Variants in KRT35 observed in about 807,000 individuals in gnomAD.
KRT35 encodes the protein keratin 35.
A neutral mutation model predicts 42.2 loss-of-function variants in KRT35; 33 were observed. The ratio of observed to expected loss-of-function variants is 0.78; its 90% CI spans 0.59 to 1.05. KRT35 has a LOEUF of 1.05. Among genes scored for constraint, KRT35 ranks in the 50% least tolerant of loss-of-function variants. The probability of loss-of-function intolerance (pLI) is 0.00; values close to 1 mark genes in which losing one functional copy is unlikely to be tolerated. For missense variants in KRT35, 585 were observed against 589.2 expected (o/e 0.99, Z 0.07); for synonymous variants, 218 against 238.2 (o/e 0.92, Z 0.78).
intron 4 of KRT35, 30 bp downstream of exon 4, chr17:41,478,804 C>G (rs1479484887): frequency 4.4e-6 from 7 of 1,602,040 alleles, no homozygotes; most frequent in African/African-American, 1.3e-5. Flanking sequence ...CCACATACCC[C>G]TGTTGCACTG....
At chr17:41,478,111 T>C (rs563349392) in intron 5 of KRT35, among the ~76,000 whole-genome samples, 3 of 152,310 alleles carry the variant, frequency 2.0e-5, no homozygotes, top group East Asian at 1.9e-4. Flanking sequence ...ACTCAGAAGA[T>C]GTATCTGCTT....
chr17:41,480,549 C>T, intron 1 of KRT35, 78 bp downstream of exon 1: 1 of 1,132,644 alleles, frequency 8.8e-7, no homozygotes, highest in Non-Finnish European at 1.3e-6. Context: ...TTCCAACATG[C>T]CCTATGGGAA....
chr17:41,478,716 C>G (rs557228884), intron 4 of KRT35, 118 bp downstream of exon 4: 2 of 1,198,308 alleles, frequency 1.7e-6, no homozygotes. Context: ...TTGACCTTGT[C>G]AGCAAGGTCA....
In KRT35 at chr17:41,480,751, C is replaced by T. The variant is rs778401284; in HGVS notation, c.347G>A (p.Arg116His). The stretch of plus-strand genomic sequence containing the variant: ...GCTGGCGTTCTCCTGCTCCAGCTGA[C>T]GCACCTTCTCCAGGTAGCCGGCCAG... ...DRLAGYLEKV[R>H]QLEQENASLE... The change falls in exon 1 of 7, where the codon CGT (arginine) becomes CAT (histidine). Residue 116 changes from arginine to histidine, a missense_variant. Transcript: ENST00000246639. 1.1e-4 allele frequency: 171 copies of T among 1,614,084 alleles called. No individual in the cohort carries two copies. Among genetic ancestry groups the T allele is most frequent in the South Asian group, 2.6e-4 (24 of 91,088 alleles).
chr17:41,480,549 C>A, intron 1 of KRT35, 78 bp downstream of exon 1: 1 of 1,132,644 alleles, frequency 8.8e-7, no homozygotes, highest in Non-Finnish European at 1.3e-6. Context: ...TTCCAACATG[C>A]CCTATGGGAA....
At chr17:41,478,324 T>A (rs7220061) in intron 5 of KRT35, 37 bp downstream of exon 5, 1 of 1,602,296 alleles carries the variant, frequency 6.2e-7, no homozygotes, top group Non-Finnish European at 8.5e-7. Context: ...CTCCTCGGCT[T>A]GGTCCAGAGG....
chr17:41,477,579 G>A lies in KRT35; in HGVS notation c.1159C>T (p.Arg387Trp), dbSNP rs371011501. 5.1e-5 allele frequency: 83 copies of A among 1,613,576 alleles called. No homozygotes were observed. The highest frequency in any genetic ancestry group is 6.3e-5 in the Non-Finnish European group (74 of 1,179,944). Residue 387 changes from arginine to tryptophan, a missense_variant, in exon 6 of 7, where the codon CGG (arginine) becomes TGG (tryptophan). Physicochemically the swap from Arg to Trp is moderately radical, Grantham distance 101 (BLOSUM62 -3). Transcript: ENST00000246639. ...TTGATCTCACACTCCAGCCGGGCCC[G>A]GACGTCCAGCAGCACCTGGTACTCC... is the stretch of plus-strand genomic sequence containing the variant. Reference protein sequence around the residue: ...NQEYQVLLDVRARLECEINTY... With the variant: ...NQEYQVLLDVWARLECEINTY...
chr17:41,479,878 C>G (rs2019231028), intron 1 of KRT35, 97 bp from the exon 2 acceptor site: 5 of 967,834 alleles, frequency 5.2e-6, no homozygotes, highest in Non-Finnish European at 8.2e-6. Flanking sequence ...AGGAGGAAGT[C>G]ACCCATCCTA....
intron 5 of KRT35, 152 bp from the exon 6 acceptor site, chr17:41,477,890 G>C: frequency 8.5e-7 from 1 of 1,177,218 alleles, no homozygotes; most frequent in Non-Finnish European, 1.2e-6. Flanking sequence ...GTGTAGGGAG[G>C]AAAAAGGCTA....
chr17:41,480,952 A>G lies in KRT35; in HGVS notation c.146T>C (p.Phe49Ser), dbSNP rs181774285. Residue 49 changes from phenylalanine (F) to serine (S), a missense_variant, in exon 1 of 7, where the codon TTC becomes TCC. By Grantham distance (155) the Phe-to-Ser change is radical. Coordinates refer to ENST00000246639, the MANE Select transcript of KRT35 (RefSeq NM_002280.6). ...LPSLSPVARS[F>S]SACSVGLGRS... Reference sequence around the variant, plus strand: ...GCCCAGACCCACTGAGCAGGCAGAGAAACTTCTGGCCACAGGGGAGAGACT... The same window carrying G: ...GCCCAGACCCACTGAGCAGGCAGAGGAACTTCTGGCCACAGGGGAGAGACT... The G allele has an allele frequency of 1.9e-6, 3 of 1,614,174 alleles. No homozygotes were observed. The highest frequency in any genetic ancestry group is 1.3e-5 in the African/African-American group (1 of 75,048).
At chr17:41,480,541 C>T in intron 1 of KRT35, 86 bp downstream of exon 1, 1 of 1,071,384 alleles carries the variant, frequency 9.3e-7, no homozygotes, top group Non-Finnish European at 1.4e-6. Flanking sequence ...TTGGTGACTT[C>T]CAACATGCCC....
Position 41,480,907 on chromosome 17 carries a change from G to A in KRT35, c.191C>T (p.Thr64Ile), listed in dbSNP as rs759097864. The change falls in exon 1 of 7, where the codon ACC (threonine) becomes ATC (isoleucine). Residue 64 changes from threonine to isoleucine, a missense_variant. Thr to Ile is a moderately conservative substitution (Grantham distance 89). Coordinates refer to ENST00000246639, the MANE Select transcript of KRT35 (RefSeq NM_002280.6). Reference sequence around the variant, plus strand: ...GAGGCAGAGAGCAGGGAGGCAGCTGGTGGCCCTGTAGCTGCTTCTGCCCAG... The same window carrying A: ...GAGGCAGAGAGCAGGGAGGCAGCTGATGGCCCTGTAGCTGCTTCTGCCCAG... ...VGLGRSSYRA[T>I]SCLPALCLPA... 3.7e-6 allele frequency: 6 copies of A among 1,614,086 alleles called. No homozygotes were observed. The highest frequency in any genetic ancestry group is 5.1e-6 in the Non-Finnish European group (6 of 1,180,040).
chr17:41,479,202 A>T, intron 3 of KRT35, 145 bp downstream of exon 3: 1 of 999,334 alleles, frequency 1.0e-6, no homozygotes, highest in Non-Finnish European at 1.4e-6. Context: ...CCCCATGCTC[A>T]CCTCCTCTTC....
intron 1 of KRT35, among the ~76,000 whole-genome samples, chr17:41,480,063 C>A (rs1422414939): frequency 6.6e-6 from 1 of 152,232 alleles, no homozygotes; most frequent in African/African-American, 2.4e-5. Flanking sequence ...TTCTTCCAAT[C>A]TCCCTGTCTC....
At chr17:41,479,593 C>T in intron 2 of KRT35, 90 bp from the exon 3 acceptor site, 6 of 1,570,440 alleles carry the variant, frequency 3.8e-6, no homozygotes, top group Non-Finnish European at 5.2e-6. Context: ...GCTGTGAGTC[C>T]TGCTTTTATG....
chr17:41,478,615 T>G (rs2019212874), intron 4 of KRT35, 129 bp from the exon 5 acceptor site: 1 of 1,246,942 alleles, frequency 8.0e-7, no homozygotes, highest in African/African-American at 1.5e-5. Context: ...ATTTATTTTA[T>G]ACTGGAGGGC....
chr17:41,477,305 C>T (rs2019186051), intron 6 of KRT35, 102 bp from the exon 7 acceptor site: 9 of 1,416,310 alleles, frequency 6.4e-6, no homozygotes, highest in Non-Finnish European at 8.7e-6. Flanking sequence ...CTAAAAACCA[C>T]CTTGATCCTG....
chr17:41,477,573 G>T lies in KRT35; in HGVS notation c.1165C>A (p.Arg389=). ...EYQVLLDVRA[R]LECEINTYRG... ...TACGTGTTGATCTCACACTCCAGCC[G>T]GGCCCGGACGTCCAGCAGCACCTGG... Residue 389 remains arginine (R), a synonymous_variant, in exon 6 of 7, where the codon CGG becomes AGG. Coordinates refer to ENST00000246639, the MANE Select transcript of KRT35 (RefSeq NM_002280.6). 1 of 1,613,516 alleles carries T rather than the reference G, an allele frequency of 6.2e-7. No individual in the cohort carries two copies. The highest frequency in any genetic ancestry group is 8.5e-7 in the Non-Finnish European group (1 of 1,179,888).
rs183227436 is a variant in KRT35, at chr17:41,477,582, C to G, written c.1156G>C (p.Val386Leu). ...ATCTCACACTCCAGCCGGGCCCGGA[C>G]GTCCAGCAGCACCTGGTACTCCTGG... is the stretch of plus-strand genomic sequence containing the variant. ...QNQEYQVLLD[V>L]RARLECEINT... The change falls in exon 6 of 7, where the codon GTC becomes CTC. Residue 386 changes from valine (V) to leucine (L), a missense_variant. Coordinates refer to ENST00000246639, the MANE Select transcript of KRT35 (RefSeq NM_002280.6). 1 of 1,613,768 alleles carries G rather than the reference C, an allele frequency of 6.2e-7. No homozygotes were observed. The highest frequency in any genetic ancestry group is 1.1e-5 in the South Asian group (1 of 91,056).
Sources: allele counts gnomAD v4.1 joint callset (sites outside exome capture counted in the v4.1 genomes callset), GRCh38; gene constraint gnomAD v4.1.1; transcripts MANE v1.5; gene names NCBI Gene and HGNC (gene_info 2026-07-23, HGNC 2026-07-21).